ZNF69: variants seen among roughly 807,000 people sequenced by gnomAD.
The protein encoded by ZNF69 is zinc finger protein 69.
A neutral mutation model predicts 50.9 loss-of-function variants in ZNF69; 47 were observed. That is an observed-to-expected ratio of 0.92 (90% CI 0.73 to 1.18). The LOEUF (loss-of-function observed/expected upper bound fraction) is 1.18. ZNF69 is among the 50% of genes most tolerant of loss of function. ZNF69 has a pLI of 0.00. For missense variants in ZNF69, 717 were observed against 675.1 expected, an observed-to-expected ratio of 1.06 and a Z score of -0.69; for synonymous variants, 216 against 223.1, an observed-to-expected ratio of 0.97 and a Z score of 0.29.
the ZNF69 span, among the ~76,000 whole-genome samples, chr19:11,969,988 T>C: frequency 1.3e-5 from 2 of 152,212 alleles, no homozygotes; most frequent in Admixed American, 1.3e-4. Flanking sequence ...CCATGTCTCC[T>C]GGAGGGTCTC....
chr19:11,905,218 A>G lies in ZNF69; in HGVS notation c.821A>G (p.Lys274Arg), dbSNP rs781510019. The G allele has an allele frequency of 1.4e-5, 23 of 1,614,060 alleles. No homozygotes were observed. The highest frequency in any genetic ancestry group is 1.9e-5 in the Non-Finnish European group (23 of 1,180,044). The change falls in exon 4 of 4, where the codon AAG (lysine) becomes AGG (arginine). Residue 274 changes from lysine to arginine, a missense_variant. Lys to Arg is a conservative substitution (Grantham distance 26). Coordinates refer to ENST00000429654, the MANE Select transcript of ZNF69 (RefSeq NM_001364730.1). ...CACGAAAGAACTCACACTGGAGAAA[A>G]GCCTTATGAATGTCAGCAATGTGGG... ...RIHERTHTGE[K>R]PYECQQCGKA...
chr19:11,961,037 G>A, the ZNF69 span, among the ~76,000 whole-genome samples: 3 of 152,162 alleles, frequency 2.0e-5, no homozygotes, highest in Non-Finnish European at 4.4e-5. Flanking sequence ...CCAGCACTTT[G>A]GGAGGCCGAG....
intron 1 of ZNF69, among the ~76,000 whole-genome samples, chr19:11,891,211 T>A (rs1977077604): frequency 6.6e-6 from 1 of 151,842 alleles, no homozygotes. Context: ...GGATCACTTC[T>A]AGTCAGCAGT....
the ZNF69 span, among the ~76,000 whole-genome samples, chr19:11,974,102 TTTC>T: frequency 1.8e-3 from 174 of 97,292 alleles, no homozygotes; most frequent in South Asian, 7.0e-3. Context: ...TCTTTCTTTC[TTTC>T]TTTCTTTCTT....
the ZNF69 span, among the ~76,000 whole-genome samples, chr19:11,934,839 C>T: frequency 6.8e-6 from 1 of 147,486 alleles, no homozygotes; most frequent in Non-Finnish European, 1.5e-5. Context: ...TTTCATTTCG[C>T]TCTTTAATGA....
the ZNF69 span, among the ~76,000 whole-genome samples, chr19:11,960,601 G>T: frequency 4.2e-5 from 6 of 143,442 alleles, no homozygotes; most frequent in Admixed American, 1.4e-4. Flanking sequence ...GCAATGAGCG[G>T]TTTTTTTTTT....
the ZNF69 span, chr19:11,964,993 G>A: frequency 1.8e-6 from 1 of 545,326 alleles, no homozygotes. Flanking sequence ...AGGTGCCGGG[G>A]CAGGGCCCTG....
At chr19:11,897,378 A>T (rs1040987962) in intron 1 of ZNF69, among the ~76,000 whole-genome samples, 8 of 152,132 alleles carry the variant, frequency 5.3e-5, no homozygotes, top group African/African-American at 1.9e-4. Flanking sequence ...AAAAATAAAG[A>T]GATTATTCCA....
chr19:11,934,958 ATCAGGAGG>A, the ZNF69 span, among the ~76,000 whole-genome samples: 1 of 147,140 alleles, frequency 6.8e-6, no homozygotes, highest in African/African-American at 2.7e-5. Flanking sequence ...AGGCGGGTGG[ATCAGGAGG>A]TCAGATCAAG....
chr19:11,920,476 C>T, the ZNF69 span, among the ~76,000 whole-genome samples: 1 of 152,138 alleles, frequency 6.6e-6, no homozygotes, highest in Admixed American at 6.5e-5. Flanking sequence ...GACTAGTTCT[C>T]ACTATGTTGC....
chr19:11,960,405 A>G, the ZNF69 span, among the ~76,000 whole-genome samples: 1 of 152,120 alleles, frequency 6.6e-6, no homozygotes, highest in Non-Finnish European at 1.5e-5. Context: ...CCACTGCAGC[A>G]TTAAGCTCCT....
the ZNF69 span, chr19:11,950,056 T>C: frequency 3.7e-6 from 6 of 1,614,092 alleles, no homozygotes; most frequent in East Asian, 2.2e-5. Context: ...GCCCTATGAA[T>C]GTAAGCATTG....
chr19:11,904,156 G>C (rs1282818151), intron 3 of ZNF69, among the ~76,000 whole-genome samples, 191 bp downstream of exon 3: 2 of 152,194 alleles, frequency 1.3e-5, no homozygotes, highest in African/African-American at 4.8e-5. Context: ...CCTTTGAGAA[G>C]TGGAGATAGG....
At chr19:11,901,162 G>T (rs1202083700) in intron 1 of ZNF69, among the ~76,000 whole-genome samples, 1 of 152,128 alleles carries the variant, frequency 6.6e-6, no homozygotes, top group African/African-American at 2.4e-5. Context: ...TGATCTGTCT[G>T]CCTTGGCCTC....
At chr19:11,896,506 C>T (rs986460755) in intron 1 of ZNF69, among the ~76,000 whole-genome samples, 7 of 151,980 alleles carry the variant, frequency 4.6e-5, no homozygotes, top group African/African-American at 1.7e-4. Flanking sequence ...TGGTAAGGGC[C>T]CGCTTCCTGG....
the ZNF69 span, among the ~76,000 whole-genome samples, chr19:11,946,521 T>TG: frequency 6.6e-6 from 1 of 152,116 alleles, no homozygotes; most frequent in Non-Finnish European, 1.5e-5. Flanking sequence ...TCAACCACTG[T>TG]GGGGGGTCTA....
the ZNF69 span, among the ~76,000 whole-genome samples, chr19:11,962,585 T>C: frequency 4.0e-5 from 6 of 149,822 alleles, no homozygotes; most frequent in Non-Finnish European, 5.9e-5. Context: ...GTTCTTGAAC[T>C]CCCAGGCTCA....
At chr19:11,955,717 T>C in the ZNF69 span, among the ~76,000 whole-genome samples, 1 of 152,340 alleles carries the variant, frequency 6.6e-6, no homozygotes, top group Admixed American at 6.5e-5. Context: ...CAAAGTATAG[T>C]AGATAATCAG....
the ZNF69 span, among the ~76,000 whole-genome samples, chr19:11,937,375 C>A: frequency 1.3e-5 from 2 of 151,970 alleles, no homozygotes; most frequent in Non-Finnish European, 2.9e-5. Context: ...ACGGGGTCTC[C>A]CTATGTTGCC....
Sources: gnomAD v4.1 joint callset for allele counts (sites outside exome capture counted in the v4.1 genomes callset) on GRCh38, gnomAD v4.1.1 for gene constraint, MANE v1.5 for transcripts, NCBI Gene and HGNC (gene_info 2026-07-23, HGNC 2026-07-21) for gene names.